FBXL3: variants seen among roughly 807,000 people sequenced by gnomAD.
FBXL3 encodes F-box and leucine rich repeat protein 3, also known as F-box/LRR-repeat protein 3.
FBXL3 carries 14 observed loss-of-function variants against 37.9 expected under a neutral mutation model. The observed-to-expected ratio is 0.37, with a 90% CI of 0.24 to 0.58. The LOEUF (loss-of-function observed/expected upper bound fraction) is 0.58, where lower values mean the gene tolerates loss of function less well. Ranked by LOEUF, FBXL3 falls within the 20% of genes least tolerant of loss-of-function variation. FBXL3 has a pLI of 0.74. For synonymous variants in FBXL3, 194 were observed against 180.1 expected (o/e 1.08, Z -0.62); for missense variants, 327 against 511.1 (o/e 0.64, Z 3.47).
At chr13:77,024,164 T>C (rs1212685518) in intron 1 of FBXL3, among the ~76,000 whole-genome samples, 1 of 152,214 alleles carries the variant, frequency 6.6e-6, no homozygotes, top group Non-Finnish European at 1.5e-5. Flanking sequence ...GTCTACACTG[T>C]AATCTTTAAT....
intron 1 of FBXL3, among the ~76,000 whole-genome samples, chr13:77,024,144 A>G (rs185991387): frequency 1.1e-4 from 17 of 152,332 alleles, no homozygotes; most frequent in Admixed American, 1.3e-4. Flanking sequence ...AGTTTAGAGA[A>G]AAGTGTATAG....
intron 1 of FBXL3, among the ~76,000 whole-genome samples, chr13:77,023,063 A>AAT: frequency 6.6e-6 from 1 of 152,242 alleles, no homozygotes; most frequent in Non-Finnish European, 1.5e-5. Flanking sequence ...GTCCAGCATT[A>AAT]ACGACATTAA....
intron 2 of FBXL3, among the ~76,000 whole-genome samples, chr13:77,020,763 GCT>G (rs2034729307): frequency 1.3e-5 from 2 of 151,938 alleles, no homozygotes; most frequent in African/African-American, 2.4e-5. Flanking sequence ...ACAGGGTCTC[GCT>G]CTGTCACCAA....
intron 3 of FBXL3, chr13:77,016,775 C>T (rs1284901251): frequency 1.3e-5 from 2 of 152,294 alleles, no homozygotes; most frequent in African/African-American, 2.4e-5. Context: ...AACAGAACCT[C>T]CTGCCTCGGC....
rs143231023 is a variant in FBXL3 at position 77,008,089 on chromosome 13, A to G, written c.644-301T>C. On this transcript the variant is annotated intron_variant, in intron 4 of 4. Coordinates refer to ENST00000355619, the MANE Select transcript of FBXL3 (RefSeq NM_012158.4). ...AGGTTAGGGCATTCCAGTAATGCAC[A>G]GACAGTGCCATATTTTTAAAAAGTT... 8.1e-4 allele frequency among the ~76,000 whole-genome samples: 124 copies of G among 152,360 alleles called. No individual in the cohort carries two copies. In the East Asian group the frequency reaches 0.02, roughly 25 times the overall value.
intron 4 of FBXL3, chr13:77,013,429 C>T (rs1035637931): frequency 6.6e-6 from 1 of 152,178 alleles, no homozygotes; most frequent in African/African-American, 2.4e-5. Flanking sequence ...GTCTGAACCT[C>T]CCCAAATTGC....
At chr13:77,023,345 A>AGAGAGAGAGTGAGTGTGTGTGT (rs199568005) in intron 1 of FBXL3, among the ~76,000 whole-genome samples, 1 of 147,504 alleles carries the variant, frequency 6.8e-6, no homozygotes, top group South Asian at 2.2e-4. Context: ...AGAGAGAGAG[A>AGAGAGAGAGTGAGTGTGTGTGT]GTGTGTGTGT....
chr13:77,011,451 G>T (rs2034551629), intron 4 of FBXL3, among the ~76,000 whole-genome samples: 1 of 152,012 alleles, frequency 6.6e-6, no homozygotes, highest in Non-Finnish European at 1.5e-5. Context: ...GTCAGGCACG[G>T]TGGCTCTCGC....
At chr13:77,023,923 AAGTC>A (rs1317867855) in intron 1 of FBXL3, among the ~76,000 whole-genome samples, 1 of 152,226 alleles carries the variant, frequency 6.6e-6, no homozygotes. Context: ...AATGCCATGA[AAGTC>A]AGTCAAAGAC....
chr13:77,023,836 C>T (rs1167078139), intron 1 of FBXL3, among the ~76,000 whole-genome samples: 1 of 152,196 alleles, frequency 6.6e-6, no homozygotes, highest in African/African-American at 2.4e-5. Flanking sequence ...ACTTTCTCCA[C>T]CCAGTACCTC....
chr13:77,017,935 T>C (rs1051937655), intron 3 of FBXL3: 1 of 152,152 alleles, frequency 6.6e-6, no homozygotes, highest in Non-Finnish European at 1.5e-5. Context: ...TATTGTTGGA[T>C]ACTAACCTAT....
At chr13:77,016,035 CAG>C (rs1282895899) in intron 3 of FBXL3, 2 of 152,194 alleles carry the variant, frequency 1.3e-5, no homozygotes, top group African/African-American at 2.4e-5. Context: ...AAATCTATGA[CAG>C]ACTCATTTGA....
chr13:77,015,492 G>T lies in FBXL3; in HGVS notation c.560C>A (p.Pro187Gln). 1 of 1,607,852 alleles carries T rather than the reference G, an allele frequency of 6.2e-7. No homozygotes were observed. Among genetic ancestry groups the T allele is most frequent in the African/African-American group, 1.3e-5 (1 of 74,638 alleles). Reference protein sequence around the residue: ...LKIDDTPVDDPSLKVLVANNS... With the variant: ...LKIDDTPVDDQSLKVLVANNS... ...GTTGGCCACTAGTACTTTGAGAGAT[G>T]GATCATCTACTGGAGTATCATCTAT... Residue 187 changes from proline to glutamine, a missense_variant, in exon 4 of 5, where the codon CCA (proline) becomes CAA (glutamine). By Grantham distance (76) the Pro-to-Gln change is moderately conservative. Transcript: ENST00000355619.
intron 1 of FBXL3, chr13:77,026,170 C>T: frequency 3.0e-6 from 3 of 985,322 alleles, no homozygotes; most frequent in Non-Finnish European, 3.6e-6. Context: ...ATCTCTCTCA[C>T]CTCTCAGCTT....
At chr13:77,024,194 T>C (rs1253662771) in intron 1 of FBXL3, among the ~76,000 whole-genome samples, 1 of 152,202 alleles carries the variant, frequency 6.6e-6, no homozygotes, top group East Asian at 1.9e-4. Context: ...CTTCTAATAA[T>C]AATCCCTCAC....
intron 4 of FBXL3, among the ~76,000 whole-genome samples, chr13:77,011,480 G>A (rs2034552110): frequency 6.6e-6 from 1 of 152,126 alleles, no homozygotes; most frequent in Non-Finnish European, 1.5e-5. Context: ...CCAGCACTTT[G>A]GGAAGCTGAG....
At chr13:77,020,408 A>G (rs904948007) in intron 2 of FBXL3, among the ~76,000 whole-genome samples, 5 of 152,174 alleles carry the variant, frequency 3.3e-5, no homozygotes, top group African/African-American at 1.2e-4. Flanking sequence ...TCCCACCACC[A>G]ATTCTCTCCT....
At chr13:77,013,369 A>G (rs573946004) in intron 4 of FBXL3, 2 of 152,138 alleles carry the variant, frequency 1.3e-5, no homozygotes, top group Non-Finnish European at 2.9e-5. Flanking sequence ...CAAACTAGCT[A>G]CAAGATTAGA....
intron 4 of FBXL3, chr13:77,010,094 T>A (rs962920663): frequency 6.6e-6 from 1 of 152,106 alleles, no homozygotes; most frequent in African/African-American, 2.4e-5. Flanking sequence ...CACACGCTGG[T>A]GCCTGTCGGG....
Sources: allele counts gnomAD v4.1 joint callset (sites outside exome capture counted in the v4.1 genomes callset), GRCh38; gene constraint gnomAD v4.1.1; transcripts MANE v1.5; gene names NCBI Gene and HGNC (gene_info 2026-07-23, HGNC 2026-07-21).